SKAP2: variants seen among roughly 807,000 people sequenced by gnomAD.
The protein encoded by SKAP2 is src kinase associated phosphoprotein 2.
A neutral mutation model predicts 54.9 loss-of-function variants in SKAP2; 28 were observed. The observed-to-expected ratio is 0.51, with a 90% CI of 0.38 to 0.70. The LOEUF is 0.70. Ranked by LOEUF, SKAP2 falls within the 30% of genes least tolerant of loss-of-function variation. The probability of loss-of-function intolerance (pLI) is 0.00; values close to 1 mark genes in which losing one functional copy is unlikely to be tolerated. For missense variants in SKAP2, 356 were observed against 424.1 expected (o/e 0.84, Z 1.41); for synonymous variants, 137 against 134.3 (o/e 1.02, Z -0.14).
At chr7:26,717,171 G>C (rs1212674729) in intron 9 of SKAP2, among the ~76,000 whole-genome samples, 3 of 152,134 alleles carry the variant, frequency 2.0e-5, no homozygotes, top group Non-Finnish European at 1.5e-5. Flanking sequence ...CGTAGAGCCA[G>C]ACAAGAGACA....
At chr7:26,720,493 A>AT (rs906095495) in intron 9 of SKAP2, among the ~76,000 whole-genome samples, 17 of 151,734 alleles carry the variant, frequency 1.1e-4, no homozygotes, top group South Asian at 8.3e-4. Context: ...GAATGATTTC[A>AT]TTTTTTTTTA....
At chr7:26,695,530 T>G (rs980138780) in intron 9 of SKAP2, among the ~76,000 whole-genome samples, 2 of 152,232 alleles carry the variant, frequency 1.3e-5, no homozygotes, top group African/African-American at 4.8e-5. Flanking sequence ...GGCATATGCC[T>G]TAACTCTAAG....
chr7:26,848,659 G>A (rs567640906), intron 3 of SKAP2, among the ~76,000 whole-genome samples: 7 of 152,186 alleles, frequency 4.6e-5, no homozygotes, highest in Non-Finnish European at 7.4e-5. Context: ...GAAGACAAAT[G>A]GGGAAAAATT....
chr7:26,670,178 A>T lies in SKAP2; in HGVS notation c.1002T>A (p.Tyr334Ter). The T allele has an allele frequency of 6.5e-7, 1 of 1,542,416 alleles. No individual in the cohort carries two copies. The highest frequency in any genetic ancestry group is 9.0e-7 in the Non-Finnish European group (1 of 1,114,960). The change falls in exon 12 of 13, where the codon TAT becomes TAA. Residue 334 changes from tyrosine to a stop codon, truncating the protein, a stop_gained. Transcript: ENST00000345317. LOFTEE classifies it high-confidence loss of function. ...CCTTCATTTCTCCTACCCACCAGCC[A>T]TATCTATTGTATTCCTAATTGAAAA... Reference protein sequence around the residue: ...IYILSKEYNRYGWWVGEMKGA... With the variant: ...IYILSKEYNR
chr7:26,693,629 T>C (rs1162550799), intron 9 of SKAP2, among the ~76,000 whole-genome samples: 4 of 152,228 alleles, frequency 2.6e-5, no homozygotes, highest in African/African-American at 9.6e-5. Flanking sequence ...TAATGTTTAC[T>C]ATAAAATATC....
intron 4 of SKAP2, among the ~76,000 whole-genome samples, chr7:26,817,621 A>G (rs73067476): frequency 0.21 from 32,302 of 152,112 alleles, 3,512 homozygotes; most frequent in Non-Finnish European, 0.24. Context: ...CACATGACAC[A>G]GGTTTATTTC....
chr7:26,790,321 T>C (rs1025208961), intron 4 of SKAP2, among the ~76,000 whole-genome samples: 1 of 152,190 alleles, frequency 6.6e-6, no homozygotes, highest in African/African-American at 2.4e-5. Flanking sequence ...AATTGGATGT[T>C]GTGGCTGATT....
chr7:26,755,171 T>C (rs546069522), intron 4 of SKAP2, among the ~76,000 whole-genome samples: 15 of 152,106 alleles, frequency 9.9e-5, no homozygotes, highest in Non-Finnish European at 1.8e-4. Flanking sequence ...TTCAATTAAG[T>C]CCCCTTCACC....
At chr7:26,815,793 A>G (rs1053818207) in intron 4 of SKAP2, among the ~76,000 whole-genome samples, 5 of 152,138 alleles carry the variant, frequency 3.3e-5, no homozygotes, top group Non-Finnish European at 7.4e-5. Context: ...AGTAGCCCCA[A>G]ACTTAGTTGG....
intron 4 of SKAP2, among the ~76,000 whole-genome samples, chr7:26,751,664 A>G (rs914708353): frequency 1.3e-5 from 2 of 152,132 alleles, no homozygotes; most frequent in East Asian, 1.9e-4. Flanking sequence ...ACAGACACAC[A>G]CACCATTTGT....
intron 4 of SKAP2, among the ~76,000 whole-genome samples, chr7:26,818,384 T>C (rs1397278952): frequency 1.3e-5 from 2 of 152,050 alleles, no homozygotes; most frequent in African/African-American, 4.8e-5. Context: ...TGGCTAGCCA[T>C]ATGCAGAAAA....
intron 1 of SKAP2, among the ~76,000 whole-genome samples, chr7:26,858,433 C>G (rs927990154): frequency 2.4e-4 from 37 of 152,264 alleles, no homozygotes; most frequent in African/African-American, 8.7e-4. Context: ...CTGAAAAGAT[C>G]AGATTTACAA....
chr7:26,815,068 C>CT (rs71712303), intron 4 of SKAP2, among the ~76,000 whole-genome samples: 32,183 of 150,948 alleles, frequency 0.21, 3,466 homozygotes, highest in Non-Finnish European at 0.24. Flanking sequence ...GTAAAACCAC[C>CT]TATCTACAAA....
intron 4 of SKAP2, among the ~76,000 whole-genome samples, chr7:26,769,305 A>G (rs1584379164): frequency 1.3e-5 from 2 of 152,278 alleles, no homozygotes; most frequent in East Asian, 3.9e-4. Flanking sequence ...CAGCTCCATC[A>G]GGTCATTTAT....
At chr7:26,690,224 G>C (rs1051837893) in intron 10 of SKAP2, 61 bp downstream of exon 10, 36 of 1,201,872 alleles carry the variant, frequency 3.0e-5, no homozygotes, top group Non-Finnish European at 4.5e-5. Context: ...TAAGAACATG[G>C]ATAAAATGAA....
the SKAP2 span, among the ~76,000 whole-genome samples, chr7:26,657,471 T>C: frequency 5.6e-4 from 86 of 152,326 alleles, no homozygotes; most frequent in African/African-American, 2.0e-3. Context: ...AAAACACTGA[T>C]TGCTGCACTG....
chr7:26,853,035 T>C (rs902920154), intron 3 of SKAP2, among the ~76,000 whole-genome samples: 1 of 152,214 alleles, frequency 6.6e-6, no homozygotes, highest in African/African-American at 2.4e-5. Context: ...AATAGTTTCC[T>C]GCTCATTTCT....
chr7:26,854,896 C>A lies in SKAP2; in HGVS notation c.68-6G>T. 6.5e-7 allele frequency: 1 copy of A among 1,546,856 alleles called. No individual in the cohort carries two copies. The highest frequency in any genetic ancestry group is 8.8e-7 in the Non-Finnish European group (1 of 1,130,318). On this transcript the variant is annotated splice_polypyrimidine_tract_variant and splice_region_variant and intron_variant, in intron 1 of 12. Transcript: ENST00000345317. ...TGCTACAAATGTTTCAACATCTAAA[C>A]CATGCAATATAAGAAACAGGATACA...
intron 9 of SKAP2, among the ~76,000 whole-genome samples, chr7:26,724,551 A>G (rs1285811530): frequency 6.6e-6 from 1 of 152,170 alleles, no homozygotes; most frequent in Non-Finnish European, 1.5e-5. Context: ...AAGGTTTAAC[A>G]TTACATCATT....
Sources: allele counts gnomAD v4.1 joint callset (sites outside exome capture counted in the v4.1 genomes callset), GRCh38; gene constraint gnomAD v4.1.1; transcripts MANE v1.5; gene names NCBI Gene and HGNC (gene_info 2026-07-23, HGNC 2026-07-21).